Variants in LENG8 observed in about 807,000 individuals in gnomAD.
The protein encoded by LENG8 is leukocyte receptor cluster (LRC) member 8.
Under a neutral mutation model 102.1 loss-of-function variants are expected in LENG8, and 28 were observed. The ratio of observed to expected loss-of-function variants is 0.27; its 90% CI spans 0.20 to 0.38. The LOEUF is 0.38. LENG8 is among the 10% of genes least tolerant of loss of function. LENG8 has a pLI of 1.00. For missense variants in LENG8, 1,022 were observed against 1,113.9 expected (o/e 0.92, Z 1.17); for synonymous variants, 531 against 456.7 (o/e 1.16, Z -2.07).
rs1378152631 is a variant in LENG8, at chr19:54,461,470, T to A, written c.*542T>A. 4 of 462,276 alleles carry A rather than the reference T, an allele frequency of 8.7e-6. No homozygotes were observed. Among genetic ancestry groups the A allele is most frequent in the Non-Finnish European group, 1.8e-5 (4 of 225,656 alleles). 28.6% of individuals were successfully genotyped at this position (462,276 alleles called of 1,614,324 possible). A position where few individuals can be genotyped will look rare whatever the true frequency, so the allele number is the denominator to read the frequency against. ...AGCTGCTTAGAGACTGTGCCCGTCC[T>A]CGGCCCCCCACCCTGAAGTGCCAGC... On this transcript the variant is annotated 3_prime_UTR_variant, in exon 16 of 16. Transcript: ENST00000326764.
At chr19:54,456,611 C>A in intron 10 of LENG8, 25 bp from the exon 11 acceptor site, 1 of 1,593,978 alleles carries the variant, frequency 6.3e-7, no homozygotes, top group Non-Finnish European at 8.6e-7. Flanking sequence ...GCCTGTCGCG[C>A]TCACTGCCCC....
Position 54,458,002 on chromosome 19 carries a change from G to C in LENG8, c.1902G>C (p.Lys634Asn). 6.2e-7 allele frequency: 1 copy of C among 1,613,560 alleles called. No individual in the cohort carries two copies. Among genetic ancestry groups the C allele is most frequent in the South Asian group, 1.1e-5 (1 of 91,088 alleles). ...CCCATGCCCGGATCGCCTTGGAGAA[G>C]GTGAGCTGGCCTCTGCGGGCCTCCC... ...YETHARIALE[K>N]GDHEEFNQCQ... The change falls in exon 13 of 16, where the codon AAG becomes AAC. Residue 634 changes from lysine (K) to asparagine (N), a missense_variant and splice_region_variant. This residue lies in a region of LENG8 where 158 missense variants were observed against 229.0 expected (regional missense o/e 0.69). Coordinates refer to ENST00000326764, the MANE Select transcript of LENG8 (RefSeq NM_052925.4).
intron 8 of LENG8, 92 bp downstream of exon 8, chr19:54,455,659 C>A: frequency 8.4e-7 from 1 of 1,184,602 alleles, no homozygotes; most frequent in Non-Finnish European, 1.2e-6. Flanking sequence ...TCCCAGGTAC[C>A]AGGAGCTCCA....
At chr19:54,449,935 C>G (rs924547036) in intron 1 of LENG8, among the ~76,000 whole-genome samples, 1 of 152,200 alleles carries the variant, frequency 6.6e-6, no homozygotes, top group African/African-American at 2.4e-5. Context: ...TAAGTTAAGC[C>G]TTTGCGTTTC....
chr19:54,456,868 C>T lies in LENG8; in HGVS notation c.1678C>T (p.His560Tyr), dbSNP rs761173249. The change falls in exon 11 of 16, where the codon CAC becomes TAC. Residue 560 changes from histidine to tyrosine, a missense_variant. By Grantham distance (83) the His-to-Tyr change is moderately conservative. This residue lies in a region of LENG8 where 158 missense variants were observed against 229.0 expected (regional missense o/e 0.69). Transcript: ENST00000326764. ...IVGTCPDITK[H>Y]YLRLTCAPDP... is the part of the protein sequence containing the mutation. ...GGGCACCTGCCCTGACATCACCAAG[C>T]ACTACCTGCGCCTCACCTGTGCCCC... The T allele has an allele frequency of 3.7e-6, 6 of 1,610,606 alleles. No homozygotes were observed. Among genetic ancestry groups the T allele is most frequent in the African/African-American group, 2.7e-5 (2 of 74,916 alleles).
rs775236234 is a variant in LENG8 at position 54,454,619 on chromosome 19, C to G, written c.616C>G (p.Pro206Ala). The change falls in exon 6 of 16, where the codon CCA (proline) becomes GCA (alanine). Residue 206 changes from proline (P) to alanine (A), a missense_variant. Physicochemically the swap from Pro to Ala is conservative, Grantham distance 27 (BLOSUM62 -1). Transcript: ENST00000326764. ...AGPATGQAYG[P>A]HTYTEPAKPK... is the part of the protein sequence containing the mutation. ...GCCCGCCACGGGCCAGGCCTATGGG[C>G]CACACACCTACACCGAACCTGCCAA... is the stretch of plus-strand genomic sequence containing the variant. The G allele has an allele frequency of 8.1e-6, 13 of 1,610,116 alleles. No homozygotes were observed. The highest frequency in any genetic ancestry group is 1.0e-5 in the Non-Finnish European group (12 of 1,179,396).
Position 54,453,664 on chromosome 19 carries a change from C to G in LENG8, c.426+8C>G. ...CAAGGGACTCTGAACCAGGTAACAT[C>G]CTAGCCCAGCTCCCATACCCTGCTC... On this transcript the variant is annotated splice_region_variant and intron_variant, in intron 5 of 15. Transcript: ENST00000326764. 6.3e-7 allele frequency: 1 copy of G among 1,595,038 alleles called. No homozygotes were observed. Among genetic ancestry groups the G allele is most frequent in the East Asian group, 2.2e-5 (1 of 44,752 alleles).
chr19:54,459,005 G>T, intron 15 of LENG8: 1 of 1,440,786 alleles, frequency 6.9e-7, no homozygotes. Flanking sequence ...CTGTGTTGAG[G>T]CCACACTGGG....
intron 11 of LENG8, 24 bp from the exon 12 acceptor site, chr19:54,457,723 T>G: frequency 6.5e-7 from 1 of 1,540,008 alleles, no homozygotes; most frequent in Non-Finnish European, 9.0e-7. Flanking sequence ...GTACTCCGAG[T>G]GTGAATTCAG....
Position 54,455,015 on chromosome 19 carries a change from G to C in LENG8, c.744G>C (p.Gln248His). The C allele has an allele frequency of 6.2e-7, 1 of 1,614,198 alleles. No individual in the cohort carries two copies. Residue 248 changes from glutamine to histidine, a missense_variant, in exon 7 of 16, where the codon CAG (glutamine) becomes CAC (histidine). Transcript: ENST00000326764. ...IQKRPFAVTT[Q>H]SFGSNAEGQH... ...AGCGACCCTTTGCTGTTACCACCCAGAGCTTTGGCTCCAACGCAGAGGGCC... is the reference window on the plus strand; with the variant it reads ...AGCGACCCTTTGCTGTTACCACCCACAGCTTTGGCTCCAACGCAGAGGGCC...
chr19:54,459,801 G>C, intron 15 of LENG8: 3 of 1,143,812 alleles, frequency 2.6e-6, no homozygotes, highest in Non-Finnish European at 3.3e-6. Context: ...GTGGGGTGCC[G>C]TGCACAGAGC....
intron 15 of LENG8, 46 bp downstream of exon 15, chr19:54,458,567 C>G (rs1289659584): frequency 1.9e-6 from 3 of 1,610,214 alleles, no homozygotes; most frequent in Admixed American, 3.4e-5. Context: ...TCCCATCCTT[C>G]CGCCTCGCAC....
At position 54,454,441 on chromosome 19, in the gene LENG8, C is replaced by T. The variant is rs767069906; in HGVS notation, c.438C>T (p.Pro146=). ...HQGTLNQPPV[P]GMDESMSYQA... is the part of the protein sequence containing the mutation. The stretch of plus-strand genomic sequence containing the variant: ...GCTTCCTTCTGCAGCCCCCAGTCCC[C>T]GGCATGGATGAGAGCATGTCCTACC... The change falls in exon 6 of 16, where the codon CCC becomes CCT. Residue 146 remains proline (P), a synonymous_variant. Coordinates refer to ENST00000326764, the MANE Select transcript of LENG8 (RefSeq NM_052925.4). 1.1e-5 allele frequency: 18 copies of T among 1,607,134 alleles called. No individual in the cohort carries two copies. Among genetic ancestry groups the T allele is most frequent in the Middle Eastern group, 1.8e-4 (1 of 5,468 alleles).
chr19:54,460,634 G>C (rs1205586853), intron 15 of LENG8, 132 bp from the exon 16 acceptor site: 3 of 1,433,120 alleles, frequency 2.1e-6, no homozygotes, highest in Non-Finnish European at 2.7e-6. Flanking sequence ...GCTGGGAGGC[G>C]GGTGGGGAGC....
intron 15 of LENG8, chr19:54,459,959 T>C: frequency 8.2e-7 from 1 of 1,213,310 alleles, no homozygotes; most frequent in East Asian, 5.8e-5. Flanking sequence ...AATTGATACC[T>C]AATTGGCCTT....
intron 1 of LENG8, among the ~76,000 whole-genome samples, chr19:54,450,676 G>A (rs1268190870): frequency 6.8e-6 from 1 of 146,774 alleles, no homozygotes; most frequent in African/African-American, 2.5e-5. Flanking sequence ...AGGCTGGAGA[G>A]CAATGGCGCA....
At position 54,461,894 on chromosome 19, in the gene LENG8, TTCC is replaced by T. The variant is rs1395961841; in HGVS notation, c.*972_*974del. On this transcript the variant is annotated 3_prime_UTR_variant, in exon 16 of 16. Coordinates refer to ENST00000326764, the MANE Select transcript of LENG8 (RefSeq NM_052925.4). ...TGTCAGGCTGCTTTTTTTCCAGATG[TTCC>T]TCCTCTGCCTCCCCTTCCCCTCCTC... The T allele has an allele frequency of 8.9e-6, 7 of 785,512 alleles. No homozygotes were observed. The highest frequency in any genetic ancestry group is 6.8e-5 in the African/African-American group (4 of 58,798). 48.7% of individuals were successfully genotyped at this position (785,512 alleles called of 1,614,324 possible). A position where few individuals can be genotyped will look rare whatever the true frequency, so the allele number is the denominator to read the frequency against.
At position 54,460,991 on chromosome 19, in the gene LENG8, G is replaced by A. The variant is rs562608472; in HGVS notation, c.*63G>A. 1.2e-4 allele frequency: 182 copies of A among 1,534,024 alleles called. No homozygotes were observed. The East Asian group carries it at 3.7e-3, about 31-fold the overall frequency. ...CCCCAGCGCTGCCTTTGCGGATTCT[G>A]TTTTTGAGCCGTGGACTTGGGTTGT... On this transcript the variant is annotated 3_prime_UTR_variant, in exon 16 of 16. Transcript: ENST00000326764.
At chr19:54,450,189 C>T (rs1333641174) in intron 1 of LENG8, among the ~76,000 whole-genome samples, 1 of 152,158 alleles carries the variant, frequency 6.6e-6, no homozygotes, top group East Asian at 1.9e-4. Context: ...GACACCCAAC[C>T]ACGGTGATCC....
Sources: gnomAD v4.1 joint callset for allele counts (sites outside exome capture counted in the v4.1 genomes callset) on GRCh38, gnomAD v4.1.1 for gene constraint, gnomAD v4.1.1 regional missense constraint, MANE v1.5 for transcripts, NCBI Gene and HGNC (gene_info 2026-07-23, HGNC 2026-07-21) for gene names.